The following PLA2G4E variants were observed in gnomAD, a reference collection of about 807,000 sequenced individuals.
The protein encoded by PLA2G4E is cytosolic phospholipase A2 epsilon.
In PLA2G4E, 84 loss-of-function variants were observed where a neutral mutation model predicts 109.1. The observed-to-expected ratio is 0.77, with a 90% CI of 0.65 to 0.92. PLA2G4E has a LOEUF of 0.92. Ranked by LOEUF, PLA2G4E falls within the 40% of genes least tolerant of loss-of-function variation. PLA2G4E has a pLI of 0.00. For missense variants in PLA2G4E, 1,057 were observed against 1,076.6 expected, an observed-to-expected ratio of 0.98 and a Z score of 0.25; for synonymous variants, 469 against 436.1, an observed-to-expected ratio of 1.08 and a Z score of -0.94.
In PLA2G4E at chr15:41,983,892, C is replaced by A; in HGVS notation, c.2469G>T (p.Leu823=). Reference sequence around the variant, plus strand: ...TGTCAAAGGTGGCCTCTGTGTATGTCAGCTCCTTGGTGGCATAGGGAGTTT... The same window carrying A: ...TGTCAAAGGTGGCCTCTGTGTATGTAAGCTCCTTGGTGGCATAGGGAGTTT... Residue 823 remains leucine (L), a synonymous_variant, in exon 20 of 20, where the codon CTG becomes CTT. Coordinates refer to ENST00000399518, the Ensembl canonical transcript of PLA2G4E. The A allele has an allele frequency of 1.9e-6, 3 of 1,613,488 alleles. No individual in the cohort carries two copies. The South Asian group carries it at 3.3e-5, about 18-fold the overall frequency.
chr15:41,988,794 G>A (rs1279510751), intron 15 of PLA2G4E, among the ~76,000 whole-genome samples: 3 of 152,174 alleles, frequency 2.0e-5, no homozygotes, highest in African/African-American at 7.2e-5. Context: ...CCGTGGGCTG[G>A]GGGCTTCTGG....
At chr15:42,024,869 A>T (rs2068679431) in intron 1 of PLA2G4E, among the ~76,000 whole-genome samples, 1 of 152,162 alleles carries the variant, frequency 6.6e-6, no homozygotes, top group African/African-American at 2.4e-5. Context: ...TTTAGCATAC[A>T]ATAAAGGAAG....
At chr15:41,997,025 A>G (rs1275373678) in intron 11 of PLA2G4E, 99 bp downstream of exon 11, 29 of 1,387,862 alleles carry the variant, frequency 2.1e-5, no homozygotes, top group Non-Finnish European at 9.5e-7. Flanking sequence ...GCATCCATGG[A>G]GGTGGCGCCT....
intron 12 of PLA2G4E, 67 bp from the exon 13 acceptor site, chr15:41,993,026 C>A: frequency 7.0e-7 from 1 of 1,421,256 alleles, no homozygotes; most frequent in African/African-American, 1.4e-5. Context: ...TGGACCCGGG[C>A]AGGAGGGAAG....
At chr15:41,990,078 C>A (rs537308784) in intron 14 of PLA2G4E, 43 bp downstream of exon 14, 4 of 1,545,348 alleles carry the variant, frequency 2.6e-6, no homozygotes, top group East Asian at 2.3e-5. Flanking sequence ...CCAAGAAGTC[C>A]CCCCCTCCAC....
chr15:42,018,755 G>T (rs1704376), intron 1 of PLA2G4E, among the ~76,000 whole-genome samples: 1 of 152,036 alleles, frequency 6.6e-6, no homozygotes, highest in Non-Finnish European at 1.5e-5. Flanking sequence ...GTTGATCTTG[G>T]CAGGACTCCA....
chr15:42,013,542 A>T, intron 2 of PLA2G4E, 143 bp downstream of exon 2: 1 of 717,748 alleles, frequency 1.4e-6, no homozygotes, highest in Non-Finnish European at 2.3e-6. Flanking sequence ...ACATACATGC[A>T]CACACATACA....
chr15:42,043,420 C>A (rs545690082), intron 1 of PLA2G4E, among the ~76,000 whole-genome samples: 1 of 151,630 alleles, frequency 6.6e-6, no homozygotes, highest in South Asian at 2.1e-4. Context: ...ATCCACTCGG[C>A]CTTTCTCAGA....
chr15:42,020,180 A>G (rs2068635030), intron 1 of PLA2G4E, among the ~76,000 whole-genome samples: 1 of 152,216 alleles, frequency 6.6e-6, no homozygotes, highest in Admixed American at 6.5e-5. Context: ...CCAAGGGGCA[A>G]AGTACTTTCA....
At chr15:42,024,141 GCAGA>G (rs2068673016) in intron 1 of PLA2G4E, among the ~76,000 whole-genome samples, 1 of 46,010 alleles carries the variant, frequency 2.2e-5, no homozygotes, top group Non-Finnish European at 3.9e-5. Context: ...TGGGAGGGGA[GCAGA>G]GCAGAGGACT....
intron 1 of PLA2G4E, among the ~76,000 whole-genome samples, chr15:42,030,725 G>C (rs2141070947): frequency 6.6e-6 from 1 of 152,346 alleles, no homozygotes; most frequent in African/African-American, 2.4e-5. Flanking sequence ...CTCAGCCCAA[G>C]TAACCACTCA....
chr15:42,010,940 T>C (rs2068529495), intron 2 of PLA2G4E, among the ~76,000 whole-genome samples: 1 of 152,202 alleles, frequency 6.6e-6, no homozygotes, highest in Non-Finnish European at 1.5e-5. Context: ...CTGTTTATTT[T>C]GGATTCAAAC....
At chr15:41,989,629 G>T in intron 14 of PLA2G4E, 77 bp from the exon 15 acceptor site, 1 of 1,524,136 alleles carries the variant, frequency 6.6e-7, no homozygotes, top group East Asian at 2.4e-5. Flanking sequence ...CCTCCTGCCT[G>T]CAGCCACTGG....
At chr15:41,981,923 G>A (rs1312115417) in exon 20 of PLA2G4E, 1 of 152,112 alleles carries the variant, frequency 6.6e-6, no homozygotes, top group African/African-American at 2.4e-5. Flanking sequence ...GGGAGGGAGT[G>A]GCGTAAATCC....
chr15:42,046,871 C>A (rs571423662), intron 1 of PLA2G4E, among the ~76,000 whole-genome samples: 37 of 152,226 alleles, frequency 2.4e-4, no homozygotes, highest in African/African-American at 8.4e-4. Flanking sequence ...GCAGGAGATG[C>A]GGTGATTCAA....
At chr15:41,982,907 T>C (rs1473361644) in exon 20 of PLA2G4E, 1 of 152,214 alleles carries the variant, frequency 6.6e-6, no homozygotes, top group Non-Finnish European at 1.5e-5. Context: ...TTTCTAGGGC[T>C]CCATCTAGAT....
At chr15:42,013,818 G>C in intron 1 of PLA2G4E, 61 bp from the exon 2 acceptor site, 1 of 1,396,988 alleles carries the variant, frequency 7.2e-7, no homozygotes, top group South Asian at 1.2e-5. Flanking sequence ...CATTGCCCCG[G>C]GGGAGACTTT....
In PLA2G4E at chr15:41,986,070, T is replaced by C. The variant is rs529657050; in HGVS notation, c.2036-65A>G. On this transcript the variant is annotated intron_variant, in intron 17 of 19. Transcript: ENST00000399518. ...CCTGACAGCCAATGGACAGAGGCACTTGGGGGGACGGAGCGCCCTGTCTGG... is the reference window on the plus strand; with the variant it reads ...CCTGACAGCCAATGGACAGAGGCACCTGGGGGGACGGAGCGCCCTGTCTGG... 1.2e-5 allele frequency: 18 copies of C among 1,513,472 alleles called. No individual in the cohort carries two copies. In the Admixed American group the frequency reaches 1.4e-4, roughly 12 times the overall value. The allele number at this position is 1,513,472 out of a possible 1,614,324, so 93.8% of individuals were successfully genotyped here. A position where few individuals can be genotyped will look rare whatever the true frequency, so the allele number is the denominator to read the frequency against.
At chr15:42,042,347 T>G (rs1889330009) in intron 1 of PLA2G4E, among the ~76,000 whole-genome samples, 1 of 151,890 alleles carries the variant, frequency 6.6e-6, no homozygotes. Flanking sequence ...GTTCAGGAAG[T>G]TATTTCTGGA....
Sources: allele counts gnomAD v4.1 joint callset (sites outside exome capture counted in the v4.1 genomes callset), GRCh38; gene constraint gnomAD v4.1.1; transcripts MANE v1.5; gene names NCBI Gene and HGNC (gene_info 2026-07-23, HGNC 2026-07-21).